TSNAXIP1: variants seen among roughly 807,000 people sequenced by gnomAD.
TSNAXIP1 encodes the protein translin associated factor X interacting protein 1.
In TSNAXIP1, 89 loss-of-function variants were observed where a neutral mutation model predicts 84.8. The ratio of observed to expected loss-of-function variants is 1.05; its 90% CI spans 0.88 to 1.25. TSNAXIP1 has a LOEUF of 1.25. Ranked by LOEUF, TSNAXIP1 falls within the 50% of genes most tolerant of loss-of-function variation. The pLI is 0.00. For synonymous variants in TSNAXIP1, 347 were observed against 335.2 expected, an observed-to-expected ratio of 1.04 and a Z score of -0.39; for missense variants, 874 against 887.6, an observed-to-expected ratio of 0.98 and a Z score of 0.20.
Position 67,825,206 on chromosome 16 carries a change from ATCC to A in TSNAXIP1, c.751_753del (p.Leu251del). On this transcript the variant is annotated inframe_deletion, in exon 7 of 16. Coordinates refer to ENST00000561639, the MANE Select transcript of TSNAXIP1 (RefSeq NM_001288990.3). Reference sequence around the variant, plus strand: ...CCTCAGTGAGCGAGATGCCTGTAAGATCCTCATCGCAGACCTGAATGAGCTGCG... The same window carrying A: ...CCTCAGTGAGCGAGATGCCTGTAAGATCATCGCAGACCTGAATGAGCTGCG... 6.2e-7 allele frequency: 1 copy of A among 1,614,144 alleles called. No homozygotes were observed.
At chr16:67,817,124 C>G (rs2056629178) in intron 2 of TSNAXIP1, among the ~76,000 whole-genome samples, 1 of 151,644 alleles carries the variant, frequency 6.6e-6, no homozygotes, top group African/African-American at 2.4e-5. Context: ...TGTCACCACA[C>G]CTGGCTAATT....
rs1441727694 is a variant in TSNAXIP1, at chr16:67,824,716, G to C, written c.615G>C (p.Glu205Asp). 1 of 1,614,120 alleles carries C rather than the reference G, an allele frequency of 6.2e-7. No homozygotes were observed. The highest frequency in any genetic ancestry group is 8.5e-7 in the Non-Finnish European group (1 of 1,179,994). ...ATGAAATCTCCCTGCTCAAGAAAGA[G>C]AAGATGAACTTGCTAAAACTCATCG... ...EKYEISLLKK[E>D]KMNLLKLIDK... is the part of the protein sequence containing the mutation. Residue 205 changes from glutamate to aspartate, a missense_variant, in exon 6 of 16, where the codon GAG becomes GAC. By Grantham distance (45) the Glu-to-Asp change is conservative. Coordinates refer to ENST00000561639, the MANE Select transcript of TSNAXIP1 (RefSeq NM_001288990.3).
At chr16:67,814,204 C>A (rs1287084055) in intron 1 of TSNAXIP1, 98 bp from the exon 2 acceptor site, 3 of 986,862 alleles carry the variant, frequency 3.0e-6, no homozygotes, top group Non-Finnish European at 4.6e-6. Flanking sequence ...GAGCCTGGCT[C>A]AGGGAGACGG....
At chr16:67,824,547 G>A (rs373290116) in intron 5 of TSNAXIP1, 36 bp from the exon 6 acceptor site, 130 of 1,600,236 alleles carry the variant, frequency 8.1e-5, no homozygotes, top group Non-Finnish European at 1.0e-4. Flanking sequence ...TGTTCTCCAT[G>A]GCCCCAAAGC....
intron 2 of TSNAXIP1, among the ~76,000 whole-genome samples, chr16:67,820,054 G>A (rs1297505472): frequency 2.0e-5 from 3 of 151,598 alleles, no homozygotes; most frequent in East Asian, 1.9e-4. Context: ...TCCTGACCTC[G>A]TGATCCATCC....
rs1430418951 is a variant in TSNAXIP1, at chr16:67,824,711, A to G, written c.610A>G (p.Lys204Glu). 6.2e-7 allele frequency: 1 copy of G among 1,614,190 alleles called. No homozygotes were observed. The highest frequency in any genetic ancestry group is 1.1e-5 in the South Asian group (1 of 91,090). Residue 204 changes from lysine to glutamate, a missense_variant, in exon 6 of 16, where the codon AAA becomes GAA. By Grantham distance (56) the Lys-to-Glu change is moderately conservative. Transcript: ENST00000561639. ...GAAATATGAAATCTCCCTGCTCAAG[A>G]AAGAGAAGATGAACTTGCTAAAACT... is the stretch of plus-strand genomic sequence containing the variant. The part of the protein sequence containing the change: ...EEKYEISLLK[K>E]EKMNLLKLID...
At chr16:67,824,839 G>C (rs1218926937) in intron 6 of TSNAXIP1, 60 bp downstream of exon 6, 1 of 1,547,800 alleles carries the variant, frequency 6.5e-7, no homozygotes, top group Non-Finnish European at 8.8e-7. Context: ...TCCACGACAA[G>C]GGTGACCCCC....
chr16:67,813,580 A>G (rs1778567898), intron 1 of TSNAXIP1, among the ~76,000 whole-genome samples: 1 of 151,480 alleles, frequency 6.6e-6, no homozygotes, highest in East Asian at 1.9e-4. Flanking sequence ...TGAAAATACA[A>G]AAATTATCCA....
chr16:67,827,191 G>C, intron 13 of TSNAXIP1, 58 bp from the exon 14 acceptor site: 1 of 1,610,882 alleles, frequency 6.2e-7, no homozygotes, highest in Non-Finnish European at 8.5e-7. Flanking sequence ...TTGAGCACTA[G>C]GGAGAGGCAC....
chr16:67,825,057 C>A, intron 6 of TSNAXIP1, 80 bp from the exon 7 acceptor site: 1 of 1,558,038 alleles, frequency 6.4e-7, no homozygotes, highest in Non-Finnish European at 8.7e-7. Flanking sequence ...CCCCCCAGAA[C>A]CCAGCCCACT....
At chr16:67,821,933 C>T (rs936967541) in intron 4 of TSNAXIP1, among the ~76,000 whole-genome samples, 15 of 151,848 alleles carry the variant, frequency 9.9e-5, no homozygotes, top group African/African-American at 2.9e-4. Flanking sequence ...TGCAGTGAGC[C>T]GAGATCATGC....
Position 67,827,009 on chromosome 16 carries a change from TG to T in TSNAXIP1, c.1602del (p.Leu535Ter), listed in dbSNP as rs1228888761. ...YVTQKETVAQ[L>X]LKEMTNADSQ... is the part of the protein sequence containing the mutation. Reference sequence around the variant, plus strand: ...ACCCAGAAGGAGACAGTAGCCCAGCTGCTGAAGGAGATGACAAATGCTGACA... The same window carrying T: ...ACCCAGAAGGAGACAGTAGCCCAGCTCTGAAGGAGATGACAAATGCTGACA... On this transcript the variant is annotated frameshift_variant, in exon 13 of 16. Transcript: ENST00000561639. LOFTEE classifies it high-confidence loss of function. 10 of 1,614,078 alleles carry T rather than the reference TG, an allele frequency of 6.2e-6. No individual in the cohort carries two copies. Among genetic ancestry groups the T allele is most frequent in the Admixed American group, 1.7e-5 (1 of 60,008 alleles).
chr16:67,822,965 C>G, intron 4 of TSNAXIP1, among the ~76,000 whole-genome samples: 1 of 152,178 alleles, frequency 6.6e-6, no homozygotes. Context: ...CTGAATCTAC[C>G]AGGCTCTAAG....
chr16:67,823,006 G>A (rs1280879521), intron 4 of TSNAXIP1, among the ~76,000 whole-genome samples: 1 of 152,198 alleles, frequency 6.6e-6, no homozygotes, highest in African/African-American at 2.4e-5. Context: ...AGAGGCCAAT[G>A]ATGCAGTGTC....
At chr16:67,819,402 C>T (rs2056850581) in intron 2 of TSNAXIP1, among the ~76,000 whole-genome samples, 1 of 151,420 alleles carries the variant, frequency 6.6e-6, no homozygotes, top group African/African-American at 2.4e-5. Flanking sequence ...TGCCACCATG[C>T]CCGGCTAATT....
intron 1 of TSNAXIP1, among the ~76,000 whole-genome samples, chr16:67,810,762 G>A (rs1420355311): frequency 1.3e-5 from 2 of 148,196 alleles, no homozygotes; most frequent in Non-Finnish European, 3.0e-5. Flanking sequence ...TTTTGAGATG[G>A]AGTGTCTCAC....
Position 67,824,605 on chromosome 16 carries a change from G to T in TSNAXIP1, c.504G>T (p.Arg168=). 1 of 1,613,940 alleles carries T rather than the reference G, an allele frequency of 6.2e-7. No homozygotes were observed. Among genetic ancestry groups the T allele is most frequent in the South Asian group, 1.1e-5 (1 of 91,050 alleles). ...GMLAHQREKI[R]ALEPLKAKLV... Reference sequence around the variant, plus strand: ...TAGCCCACCAAAGGGAGAAGATTCGGGCTCTGGAGCCCCTGAAGGCCAAGC... The same window carrying T: ...TAGCCCACCAAAGGGAGAAGATTCGTGCTCTGGAGCCCCTGAAGGCCAAGC... Residue 168 remains arginine, a synonymous_variant, in exon 6 of 16, where the codon CGG becomes CGT. Transcript: ENST00000561639.
At chr16:67,809,512 A>G (rs1343774993) in intron 1 of TSNAXIP1, among the ~76,000 whole-genome samples, 1 of 151,596 alleles carries the variant, frequency 6.6e-6, no homozygotes, top group Admixed American at 6.6e-5. Flanking sequence ...AATCCCAGCT[A>G]TTCTGGAGGC....
chr16:67,827,140 C>T (rs2057520135), intron 13 of TSNAXIP1, 68 bp downstream of exon 13: 5 of 1,605,016 alleles, frequency 3.1e-6, no homozygotes, highest in East Asian at 2.2e-5. Flanking sequence ...GGAAAAGGGG[C>T]ACCTGGTGGG....
Sources: gnomAD v4.1 joint callset for allele counts (sites outside exome capture counted in the v4.1 genomes callset) on GRCh38, gnomAD v4.1.1 for gene constraint, MANE v1.5 for transcripts, NCBI Gene and HGNC (gene_info 2026-07-23, HGNC 2026-07-21) for gene names.